ST6GALNAC3: variants seen among roughly 807,000 people sequenced by gnomAD.
ST6GALNAC3 encodes the protein ST6 N-acetylgalactosaminide alpha-2,6-sialyltransferase 3.
In ST6GALNAC3, 25 loss-of-function variants were observed where a neutral mutation model predicts 32.7. The ratio of observed to expected loss-of-function variants is 0.76; its 90% CI spans 0.56 to 1.07. The LOEUF is 1.07. Ranked by LOEUF, ST6GALNAC3 falls within the 50% of genes least tolerant of loss-of-function variation. The pLI, the probability that ST6GALNAC3 is intolerant of heterozygous loss-of-function variation, is 0.00. For missense variants in ST6GALNAC3, 355 were observed against 382.4 expected, an observed-to-expected ratio of 0.93 and a Z score of 0.60; for synonymous variants, 129 against 133.1, an observed-to-expected ratio of 0.97 and a Z score of 0.21.
chr1:76,129,986 T>C (rs1649506117), intron 1 of ST6GALNAC3, among the ~76,000 whole-genome samples: 1 of 152,174 alleles, frequency 6.6e-6, no homozygotes, highest in East Asian at 1.9e-4. Flanking sequence ...ATTACACCCA[T>C]GGATTTGGCC....
At chr1:76,092,582 G>A (rs1647063776) in intron 1 of ST6GALNAC3, among the ~76,000 whole-genome samples, 1 of 152,194 alleles carries the variant, frequency 6.6e-6, no homozygotes, top group Non-Finnish European at 1.5e-5. Flanking sequence ...AGGTGACAGT[G>A]GCTAGATGCA....
chr1:76,171,196 C>A (rs1169219626), intron 1 of ST6GALNAC3, among the ~76,000 whole-genome samples: 3 of 152,038 alleles, frequency 2.0e-5, no homozygotes, highest in African/African-American at 7.2e-5. Flanking sequence ...CTCTTACTTG[C>A]AACTGACAGC....
intron 3 of ST6GALNAC3, among the ~76,000 whole-genome samples, chr1:76,419,008 G>T (rs1654844549): frequency 6.6e-6 from 1 of 150,958 alleles, no homozygotes; most frequent in Non-Finnish European, 1.5e-5. Flanking sequence ...AAAGATATCA[G>T]TACAAACCTT....
intron 3 of ST6GALNAC3, among the ~76,000 whole-genome samples, chr1:76,525,789 GTGTATATATATATATATA>G (rs1228327123): frequency 3.4e-5 from 2 of 58,920 alleles, no homozygotes; most frequent in Non-Finnish European, 7.5e-5. Flanking sequence ...GTGTGTGTGT[GTGTATATATATATATATA>G]TATATATATA....
intron 3 of ST6GALNAC3, among the ~76,000 whole-genome samples, chr1:76,472,632 T>C (rs1659106047): frequency 6.6e-6 from 1 of 152,084 alleles, no homozygotes; most frequent in Non-Finnish European, 1.5e-5. Flanking sequence ...TTTTCCTCTA[T>C]AAAATGGGAA....
At chr1:76,625,619 G>A (rs988762123) in intron 3 of ST6GALNAC3, among the ~76,000 whole-genome samples, 1 of 151,768 alleles carries the variant, frequency 6.6e-6, no homozygotes, top group African/African-American at 2.4e-5. Flanking sequence ...TCAAATAAGG[G>A]CTTTTTAAGC....
At chr1:76,251,217 AC>A (rs1657596007) in intron 1 of ST6GALNAC3, among the ~76,000 whole-genome samples, 1 of 152,168 alleles carries the variant, frequency 6.6e-6, no homozygotes, top group South Asian at 2.1e-4. Context: ...TAGTCCATTT[AC>A]GTGACTTCCT....
At chr1:76,584,554 G>A (rs1013460611) in intron 3 of ST6GALNAC3, among the ~76,000 whole-genome samples, 1 of 152,184 alleles carries the variant, frequency 6.6e-6, no homozygotes, top group African/African-American at 2.4e-5. Context: ...CAATATTTTT[G>A]TTCAGGATGC....
chr1:76,280,344 G>GT (rs1659426803), intron 1 of ST6GALNAC3, among the ~76,000 whole-genome samples: 1 of 152,202 alleles, frequency 6.6e-6, no homozygotes, highest in Admixed American at 6.5e-5. Context: ...TCTGGTGACT[G>GT]TTACTCTCCA....
rs533811351 is a variant in ST6GALNAC3, at chr1:76,096,592, AAT to A, written c.18+21711_18+21712del. ...TTATATTTATAAATTTTATTTATAA[AAT>A]ATCTTTATTTTATAAATAAATTAAT... On this transcript the variant is annotated intron_variant, in intron 1 of 4. Transcript: ENST00000328299. 1.7e-4 allele frequency among the ~76,000 whole-genome samples: 26 copies of A among 150,480 alleles called. No individual in the cohort carries two copies. The East Asian group carries it at 4.8e-3, about 28-fold the overall frequency.
intron 2 of ST6GALNAC3, among the ~76,000 whole-genome samples, chr1:76,341,605 T>TTTTCTTTCTTTCTTTCTTTC (rs61587390): frequency 4.9e-4 from 45 of 91,262 alleles, no homozygotes; most frequent in East Asian, 6.8e-4. Flanking sequence ...TCCAAACTGC[T>TTTTCTTTCTTTCTTTCTTTC]TTTCTTTCTT....
intron 3 of ST6GALNAC3, among the ~76,000 whole-genome samples, chr1:76,456,601 C>A (rs1017302213): frequency 3.9e-5 from 6 of 152,036 alleles, no homozygotes; most frequent in African/African-American, 9.7e-5. Flanking sequence ...AAGAAAAAAA[C>A]CACATGATTA....
At chr1:76,424,539 A>T (rs763322196) in intron 3 of ST6GALNAC3, among the ~76,000 whole-genome samples, 1 of 151,954 alleles carries the variant, frequency 6.6e-6, no homozygotes, top group Non-Finnish European at 1.5e-5. Context: ...ATGGTGCTCA[A>T]TAGGAGTAAC....
intron 1 of ST6GALNAC3, among the ~76,000 whole-genome samples, chr1:76,185,486 T>C (rs529339535): frequency 6.6e-6 from 1 of 152,314 alleles, no homozygotes; most frequent in East Asian, 1.9e-4. Context: ...ACATAAAATA[T>C]GTCACGAAAT....
chr1:76,154,230 G>T (rs1412945338), intron 1 of ST6GALNAC3, among the ~76,000 whole-genome samples: 1 of 152,028 alleles, frequency 6.6e-6, no homozygotes. Flanking sequence ...TCCAACCCAG[G>T]CTGACCCCGT....
At chr1:76,495,714 G>A (rs745888565) in intron 3 of ST6GALNAC3, among the ~76,000 whole-genome samples, 11 of 152,086 alleles carry the variant, frequency 7.2e-5, no homozygotes, top group Non-Finnish European at 1.5e-4. Context: ...CTCGAAAATT[G>A]TATATTTAAT....
At chr1:76,534,481 CT>C (rs1161501256) in intron 3 of ST6GALNAC3, among the ~76,000 whole-genome samples, 1 of 152,174 alleles carries the variant, frequency 6.6e-6, no homozygotes, top group Non-Finnish European at 1.5e-5. Context: ...CTAAAATCCC[CT>C]GGCCTTCATT....
intron 1 of ST6GALNAC3, among the ~76,000 whole-genome samples, chr1:76,173,279 C>A (rs1385865002): frequency 6.6e-6 from 1 of 152,162 alleles, no homozygotes; most frequent in Non-Finnish European, 1.5e-5. Flanking sequence ...ACTGGCTAGC[C>A]ATATGCAGAA....
chr1:76,620,786 A>G (rs1385690443), intron 3 of ST6GALNAC3, among the ~76,000 whole-genome samples: 1 of 152,074 alleles, frequency 6.6e-6, no homozygotes, highest in Non-Finnish European at 1.5e-5. Context: ...AATTCAGCCC[A>G]TAGCATCCAC....
Sources: allele counts gnomAD v4.1 joint callset (sites outside exome capture counted in the v4.1 genomes callset), GRCh38; gene constraint gnomAD v4.1.1; transcripts MANE v1.5; gene names NCBI Gene and HGNC (gene_info 2026-07-23, HGNC 2026-07-21).